PAM16: variants seen among roughly 807,000 people sequenced by gnomAD.
PAM16 encodes the protein presequence translocase associated motor 16.
A neutral mutation model predicts 17.9 loss-of-function variants in PAM16; 11 were observed. The observed-to-expected ratio is 0.62, with a 90% CI of 0.39 to 1.02. The LOEUF (loss-of-function observed/expected upper bound fraction) is 1.02. Ranked by LOEUF, PAM16 falls within the 50% of genes least tolerant of loss-of-function variation. The probability of loss-of-function intolerance (pLI) is 0.01; values close to 1 mark genes in which losing one functional copy is unlikely to be tolerated. For missense variants in PAM16, 199 were observed against 165.4 expected (o/e 1.20, Z -1.11); for synonymous variants, 72 against 67.4 (o/e 1.07, Z -0.34).
intron 1 of PAM16, among the ~76,000 whole-genome samples, chr16:4,349,237 G>A (rs1206299054): frequency 6.6e-6 from 1 of 151,984 alleles, no homozygotes; most frequent in Admixed American, 6.6e-5. Flanking sequence ...TTACAGGTGT[G>A]AGCCACCGTG....
chr16:4,344,751 G>A (rs2053724482), intron 1 of PAM16, among the ~76,000 whole-genome samples: 1 of 39,438 alleles, frequency 2.5e-5, no homozygotes, highest in Admixed American at 3.2e-4. Context: ...GGTTCTGTGA[G>A]AGGAGGGGGT....
At position 4,343,904 on chromosome 16, in the gene PAM16, C is replaced by A. The variant is rs1021972713; in HGVS notation, c.4-613G>T. On this transcript the variant is annotated intron_variant, in intron 1 of 4. Transcript: ENST00000318059. Reference sequence around the variant, plus strand: ...CCAAATCATGAGGGAGAGTCAGGCTCGTTCATTTGTGCAGCCATTGGTTCA... The same window carrying A: ...CCAAATCATGAGGGAGAGTCAGGCTAGTTCATTTGTGCAGCCATTGGTTCA... 41 of 397,744 alleles carry A rather than the reference C, an allele frequency of 1.0e-4. No individual in the cohort carries two copies. The East Asian group carries it at 1.4e-3, about 14-fold the overall frequency. 24.6% of individuals were successfully genotyped at this position (397,744 alleles called of 1,614,324 possible). A position where few individuals can be genotyped will look rare whatever the true frequency, so the allele number is the denominator to read the frequency against.
intron 3 of PAM16, 61 bp from the exon 4 acceptor site, chr16:4,341,046 G>C: frequency 1.3e-6 from 2 of 1,595,922 alleles, no homozygotes; most frequent in Non-Finnish European, 1.7e-6. Flanking sequence ...TGTTGGGCAG[G>C]CTATGTGGGG....
chr16:4,348,317 C>G (rs993219471), intron 1 of PAM16: 1 of 152,364 alleles, frequency 6.6e-6, no homozygotes, highest in Non-Finnish European at 1.5e-5. Context: ...CCTCCTAACC[C>G]TTCTGCGGGA....
chr16:4,347,423 A>T (rs1007627380), intron 1 of PAM16: 3 of 152,164 alleles, frequency 2.0e-5, no homozygotes, highest in Admixed American at 6.5e-5. Context: ...TACAGGTGTG[A>T]GCTACTGTGC....
chr16:4,340,928 G>A lies in PAM16; in HGVS notation c.283C>T (p.Gln95Ter), dbSNP rs755797690. 3.7e-6 allele frequency: 6 copies of A among 1,613,620 alleles called. No homozygotes were observed. Among genetic ancestry groups the A allele is most frequent in the Non-Finnish European group, 5.1e-6 (6 of 1,179,974 alleles). ...DKSVGGSFYL[Q>*]SKVVRAKERL... The stretch of plus-strand genomic sequence containing the variant: ...AATCAAAGACCACTCACCTTTGACT[G>A]CAGGTAGAAGGAGCCACCCACGGAT... Residue 95 changes from glutamine (Q) to a stop codon, truncating the protein, a stop_gained, in exon 4 of 5, where the codon CAG becomes TAG. Transcript: ENST00000318059. LOFTEE classifies it high-confidence loss of function.
intron 2 of PAM16, 154 bp from the exon 3 acceptor site, chr16:4,341,658 T>C: frequency 7.7e-7 from 1 of 1,300,658 alleles, no homozygotes; most frequent in Non-Finnish European, 1.0e-6. Flanking sequence ...TGGTTTCCTT[T>C]TTAGGGGGTA....
At chr16:4,343,457 C>T in intron 1 of PAM16, 166 bp from the exon 2 acceptor site, 1 of 1,431,836 alleles carries the variant, frequency 7.0e-7, no homozygotes, top group East Asian at 2.5e-5. Flanking sequence ...ATGAAAGCTT[C>T]CATGGTGGGT....
In PAM16 at chr16:4,341,402, T is replaced by A; in HGVS notation, c.191A>T (p.Asn64Ile). The change falls in exon 3 of 5, where the codon AAC (asparagine) becomes ATC (isoleucine). Residue 64 changes from asparagine (N) to isoleucine (I), a missense_variant. Asn to Ile is a moderately radical substitution (Grantham distance 149). Coordinates refer to ENST00000318059, the MANE Select transcript of PAM16 (RefSeq NM_016069.11). The stretch of plus-strand genomic sequence containing the variant: ...CTCCTCAGGGCTCAGCTTGGACACG[T>A]TGAGAATCTGCTGTGCCTCCTGGAG... ...LSLQEAQQIL[N>I]VSKLSPEEVQ... 6.3e-7 allele frequency: 1 copy of A among 1,596,124 alleles called. No individual in the cohort carries two copies. Among genetic ancestry groups the A allele is most frequent in the Non-Finnish European group, 8.5e-7 (1 of 1,171,958 alleles).
At chr16:4,347,545 G>A (rs2053777134) in intron 1 of PAM16, 1 of 152,314 alleles carries the variant, frequency 6.6e-6, no homozygotes, top group Non-Finnish European at 1.5e-5. Context: ...TGGACAAACA[G>A]CGGCAGGTCC....
chr16:4,340,881 C>T lies in PAM16; in HGVS notation c.291+39G>A, dbSNP rs760990351. The stretch of plus-strand genomic sequence containing the variant: ...TGAGCCCCAGGTGAGAAGAAGGGGT[C>T]CCATGACTTCATTCCTCCCAGAATC... On this transcript the variant is annotated intron_variant, in intron 4 of 4. Coordinates refer to ENST00000318059, the MANE Select transcript of PAM16 (RefSeq NM_016069.11). 6 of 1,611,186 alleles carry T rather than the reference C, an allele frequency of 3.7e-6. No homozygotes were observed. The East Asian group carries it at 1.3e-4, about 36-fold the overall frequency.
intron 3 of PAM16, 128 bp downstream of exon 3, chr16:4,341,240 G>A (rs1230419079): frequency 9.7e-6 from 14 of 1,440,316 alleles, no homozygotes; most frequent in South Asian, 1.4e-5. Context: ...AGTGGCTCCC[G>A]AAAGTTGGAG....
intron 1 of PAM16, chr16:4,350,996 C>A (rs1159794754): frequency 9.5e-6 from 3 of 316,600 alleles, no homozygotes; most frequent in Non-Finnish European, 1.7e-5. Flanking sequence ...CTAGGCACAG[C>A]GCGACCACGT....
chr16:4,342,733 C>T (rs1414398561), intron 2 of PAM16, among the ~76,000 whole-genome samples: 5 of 151,998 alleles, frequency 3.3e-5, no homozygotes, highest in African/African-American at 7.2e-5. Flanking sequence ...TTGAGGCAGG[C>T]GGATCACCTG....
Position 4,340,387 on chromosome 16 carries a change from G to C in PAM16, c.310C>G (p.Arg104Gly), listed in dbSNP as rs372596226. Residue 104 changes from arginine to glycine, a missense_variant, in exon 5 of 5, where the codon CGC becomes GGC. Arg to Gly is a moderately radical substitution (Grantham distance 125). Transcript: ENST00000318059. ...TGGATTTTGAGTTCCTCATCCAGGC[G>C]CTCCTTTGCGCGGACCACCTAGTGG... ...LQSKVVRAKE[R>G]LDEELKIQAQ... 1 of 1,612,350 alleles carries C rather than the reference G, an allele frequency of 6.2e-7. No homozygotes were observed. Among genetic ancestry groups the C allele is most frequent in the East Asian group, 2.2e-5 (1 of 44,886 alleles).
At position 4,351,276 on chromosome 16, in the gene PAM16, G is replaced by C; in HGVS notation, c.-42C>G. 1 of 1,450,720 alleles carries C rather than the reference G, an allele frequency of 6.9e-7. No homozygotes were observed. Among genetic ancestry groups the C allele is most frequent in the Non-Finnish European group, 9.2e-7 (1 of 1,092,246 alleles). The allele number at this position is 1,450,720 out of a possible 1,614,324, so 89.9% of individuals were successfully genotyped here. A position where few individuals can be genotyped will look rare whatever the true frequency, so the allele number is the denominator to read the frequency against. On this transcript the variant is annotated 5_prime_UTR_variant, in exon 1 of 5. Transcript: ENST00000318059. Reference sequence around the variant, plus strand: ...CCGGGGCTCAAACTCCGACTTCCTGGCCCCGCGGCCGGGGATCAAGCGTGG... The same window carrying C: ...CCGGGGCTCAAACTCCGACTTCCTGCCCCCGCGGCCGGGGATCAAGCGTGG...
chr16:4,344,307 G>A (rs1162941697), intron 1 of PAM16, among the ~76,000 whole-genome samples: 1 of 21,326 alleles, frequency 4.7e-5, no homozygotes, highest in Non-Finnish European at 8.7e-5. Context: ...AGAGGAGGGG[G>A]TTCTGTGAGA....
intron 2 of PAM16, 188 bp from the exon 3 acceptor site, chr16:4,341,692 C>G (rs1401920283): frequency 1.0e-6 from 1 of 978,680 alleles, no homozygotes; most frequent in Non-Finnish European, 1.5e-6. Context: ...TGAGGACAGA[C>G]GTGCCTCACT....
chr16:4,343,122 C>T (rs1381701617), intron 2 of PAM16, 85 bp downstream of exon 2: 1 of 1,584,350 alleles, frequency 6.3e-7, no homozygotes, highest in Non-Finnish European at 8.6e-7. Flanking sequence ...TTCAGAACCG[C>T]CAGGCCTGAG....
Sources: allele counts gnomAD v4.1 joint callset (sites outside exome capture counted in the v4.1 genomes callset), GRCh38; gene constraint gnomAD v4.1.1; transcripts MANE v1.5; gene names NCBI Gene and HGNC (gene_info 2026-07-23, HGNC 2026-07-21).